CNTN5: variants seen among roughly 807,000 people sequenced by gnomAD.
The protein encoded by CNTN5 is contactin-5.
CNTN5 carries 77 observed loss-of-function variants against 129.1 expected under a neutral mutation model. The ratio of observed to expected loss-of-function variants is 0.60; its 90% CI spans 0.50 to 0.72. CNTN5 has a LOEUF of 0.72. Among genes scored for constraint, CNTN5 ranks in the 30% least tolerant of loss-of-function variants. The pLI is 0.00. For synonymous variants in CNTN5, 509 were observed against 465.6 expected (o/e 1.09, Z -1.20); for missense variants, 1,478 against 1,328.8 (o/e 1.11, Z -1.75).
At chr11:99,713,671 T>C (rs1591519843) in intron 3 of CNTN5, among the ~76,000 whole-genome samples, 1 of 151,982 alleles carries the variant, frequency 6.6e-6, no homozygotes, top group Admixed American at 6.6e-5. Context: ...AGACTTCGTC[T>C]CTTTTTTACC....
chr11:100,238,334 T>G (rs542882757), intron 16 of CNTN5, among the ~76,000 whole-genome samples: 11 of 150,172 alleles, frequency 7.3e-5, no homozygotes, highest in African/African-American at 2.7e-4. Context: ...GATGGGATTT[T>G]ATTCTCACTC....
chr11:99,813,371 G>A (rs556256923), intron 3 of CNTN5, among the ~76,000 whole-genome samples: 24 of 152,216 alleles, frequency 1.6e-4, no homozygotes, highest in Non-Finnish European at 3.2e-4. Context: ...AATAAAAACA[G>A]TTTCTGAATC....
At chr11:100,354,376 G>A (rs181106868) in intron 24 of CNTN5, among the ~76,000 whole-genome samples, 197 of 151,670 alleles carry the variant, frequency 1.3e-3, no homozygotes, top group African/African-American at 4.5e-3. Flanking sequence ...GGATCAGTCA[G>A]TTTAATCCAA....
intron 1 of CNTN5, among the ~76,000 whole-genome samples, chr11:99,260,072 T>A (rs930811008): frequency 1.3e-5 from 2 of 151,742 alleles, no homozygotes; most frequent in Admixed American, 6.6e-5. Flanking sequence ...TCTTATAGAA[T>A]TCATTGTTCA....
intron 18 of CNTN5, among the ~76,000 whole-genome samples, chr11:100,291,995 A>G (rs1295586090): frequency 6.6e-6 from 1 of 151,892 alleles, no homozygotes; most frequent in Non-Finnish European, 1.5e-5. Context: ...ACTTTTACGT[A>G]CTAGAGCAGT....
chr11:99,659,946 G>A (rs1349208744), intron 3 of CNTN5, among the ~76,000 whole-genome samples: 1 of 152,106 alleles, frequency 6.6e-6, no homozygotes, highest in Non-Finnish European at 1.5e-5. Flanking sequence ...AGCCACACAT[G>A]TGGGCAGCTG....
At chr11:100,112,309 A>G (rs1194661395) in intron 13 of CNTN5, among the ~76,000 whole-genome samples, 1 of 152,190 alleles carries the variant, frequency 6.6e-6, no homozygotes, top group Non-Finnish European at 1.5e-5. Context: ...AATAAGGGGC[A>G]AAAAGTTCTC....
At position 99,327,592 on chromosome 11, in the gene CNTN5, C is replaced by A. The variant is rs77813203; in HGVS notation, c.-71+2108C>A. ...AAAAGCATATTGGTAGAATAGGAAG[C>A]AATTGAAGCAAATGAGACAAACTGA... On this transcript the variant is annotated intron_variant, in intron 2 of 24. Transcript: ENST00000524871. Among the ~76,000 whole-genome samples, 587 of 152,142 alleles carry A rather than the reference C, an allele frequency of 3.9e-3. 2 individuals carry two copies. The highest frequency in any genetic ancestry group is 6.8e-3 in the Non-Finnish European group (460 of 68,008).
intron 1 of CNTN5, among the ~76,000 whole-genome samples, chr11:99,207,003 C>T (rs1234798801): frequency 6.6e-6 from 1 of 151,940 alleles, no homozygotes; most frequent in African/African-American, 2.4e-5. Context: ...CCTAAAATAA[C>T]ATTTTATTAA....
chr11:99,179,299 G>A (rs1020009849), intron 1 of CNTN5, among the ~76,000 whole-genome samples: 4 of 151,808 alleles, frequency 2.6e-5, no homozygotes, highest in Non-Finnish European at 4.4e-5. Context: ...AAAATTAGCC[G>A]GGCAAAGGGG....
At chr11:99,118,523 A>G (rs914174908) in intron 1 of CNTN5, among the ~76,000 whole-genome samples, 1 of 152,122 alleles carries the variant, frequency 6.6e-6, no homozygotes, top group African/African-American at 2.4e-5. Context: ...TTGTATTCTA[A>G]GGATTCCCTT....
chr11:100,267,430 C>T (rs750317683), intron 17 of CNTN5, among the ~76,000 whole-genome samples: 1 of 152,000 alleles, frequency 6.6e-6, no homozygotes, highest in South Asian at 2.1e-4. Flanking sequence ...GGGGTTAGGA[C>T]TTTAATAGAT....
At chr11:99,547,992 C>T (rs898654249) in intron 2 of CNTN5, among the ~76,000 whole-genome samples, 1 of 152,098 alleles carries the variant, frequency 6.6e-6, no homozygotes, top group Admixed American at 6.6e-5. Context: ...CTATATGGTT[C>T]TTTTTGTAAA....
chr11:100,003,618 C>T (rs1000287445), intron 9 of CNTN5, among the ~76,000 whole-genome samples: 27 of 152,094 alleles, frequency 1.8e-4, no homozygotes, highest in Middle Eastern at 3.2e-3. Flanking sequence ...CCCAGGCAAG[C>T]TTATTTAATA....
At chr11:99,755,661 G>C (rs1411189394) in intron 3 of CNTN5, among the ~76,000 whole-genome samples, 1 of 151,682 alleles carries the variant, frequency 6.6e-6, no homozygotes, top group Admixed American at 6.6e-5. Context: ...CCAGTCTGTG[G>C]TTTATATTCT....
At chr11:99,060,150 G>A (rs555325381) in intron 1 of CNTN5, among the ~76,000 whole-genome samples, 1 of 152,082 alleles carries the variant, frequency 6.6e-6, no homozygotes, top group East Asian at 1.9e-4. Context: ...GTAAATGTGG[G>A]TATGTATGGG....
At chr11:99,741,696 A>G (rs1943892434) in intron 3 of CNTN5, among the ~76,000 whole-genome samples, 1 of 152,186 alleles carries the variant, frequency 6.6e-6, no homozygotes, top group Non-Finnish European at 1.5e-5. Context: ...TTACAGCTTA[A>G]GAACAAGCCC....
At chr11:99,547,283 C>T (rs1002309909) in intron 2 of CNTN5, among the ~76,000 whole-genome samples, 2 of 152,092 alleles carry the variant, frequency 1.3e-5, no homozygotes, top group African/African-American at 4.8e-5. Flanking sequence ...GGATTACAGG[C>T]GTGAGCCACC....
chr11:99,446,499 T>C (rs542674807), intron 2 of CNTN5, among the ~76,000 whole-genome samples: 1 of 152,296 alleles, frequency 6.6e-6, no homozygotes, highest in Admixed American at 6.5e-5. Context: ...CCAATCCTTC[T>C]ATTTCAGTCA....
Sources: gnomAD v4.1 joint callset for allele counts (sites outside exome capture counted in the v4.1 genomes callset) on GRCh38, gnomAD v4.1.1 for gene constraint, MANE v1.5 for transcripts, NCBI Gene and HGNC (gene_info 2026-07-23, HGNC 2026-07-21) for gene names.